HSD17B12: variants seen among roughly 807,000 people sequenced by gnomAD.
HSD17B12 encodes very-long-chain 3-oxoacyl-CoA reductase.
In HSD17B12, 32 loss-of-function variants were observed where a neutral mutation model predicts 39.3. The observed-to-expected ratio is 0.81, with a 90% CI of 0.61 to 1.09. The LOEUF (loss-of-function observed/expected upper bound fraction) is 1.09, where lower values mean the gene tolerates loss of function less well. HSD17B12 is among the 50% of genes least tolerant of loss of function. The probability of loss-of-function intolerance (pLI) is 0.00; values close to 1 mark genes in which losing one functional copy is unlikely to be tolerated. For synonymous variants in HSD17B12, 150 were observed against 146.7 expected (o/e 1.02, Z -0.16); for missense variants, 342 against 382.9 (o/e 0.89, Z 0.89).
the HSD17B12 span, chr11:43,570,169 A>C: frequency 6.6e-6 from 1 of 152,638 alleles, no homozygotes; most frequent in Non-Finnish European, 1.5e-5. Flanking sequence ...CAATGAAGGG[A>C]CCCAGGGTGT....
At chr11:43,664,003 C>G in the HSD17B12 span, among the ~76,000 whole-genome samples, 1 of 151,976 alleles carries the variant, frequency 6.6e-6, no homozygotes, top group African/African-American at 2.4e-5. Flanking sequence ...GCATGCGCCA[C>G]CATGCCTGGC....
At chr11:43,781,125 C>G (rs575797279) in intron 3 of HSD17B12, among the ~76,000 whole-genome samples, 1 of 152,122 alleles carries the variant, frequency 6.6e-6, no homozygotes, top group Non-Finnish European at 1.5e-5. Context: ...TCTTGGTGAC[C>G]TATAAAATTT....
intron 3 of HSD17B12, among the ~76,000 whole-genome samples, chr11:43,770,747 A>G (rs1340941356): frequency 6.6e-6 from 1 of 152,160 alleles, no homozygotes; most frequent in Non-Finnish European, 1.5e-5. Flanking sequence ...AAGAAAAAGA[A>G]AAACAAGTTT....
intron 1 of HSD17B12, among the ~76,000 whole-genome samples, chr11:43,731,359 T>A (rs1172321445): frequency 6.6e-6 from 1 of 152,208 alleles, no homozygotes; most frequent in African/African-American, 2.4e-5. Context: ...AGACCTTCCC[T>A]TATGTTTATC....
At chr11:43,763,131 T>G (rs1443199706) in intron 3 of HSD17B12, among the ~76,000 whole-genome samples, 1 of 152,166 alleles carries the variant, frequency 6.6e-6, no homozygotes, top group Non-Finnish European at 1.5e-5. Context: ...AAAGTATATC[T>G]TAACAATTTT....
At chr11:43,611,960 G>A in the HSD17B12 span, among the ~76,000 whole-genome samples, 1 of 152,164 alleles carries the variant, frequency 6.6e-6, no homozygotes, top group Admixed American at 6.5e-5. Context: ...TGGACTTATA[G>A]TAGGTTCTCA....
chr11:43,577,631 T>C, the HSD17B12 span, among the ~76,000 whole-genome samples: 1 of 152,118 alleles, frequency 6.6e-6, no homozygotes, highest in African/African-American at 2.4e-5. Flanking sequence ...CCCCGTATTC[T>C]GTAATTCCCG....
intron 4 of HSD17B12, 89 bp from the exon 5 acceptor site, chr11:43,815,348 T>C: frequency 3.6e-5 from 23 of 631,900 alleles, no homozygotes; most frequent in Non-Finnish European, 2.8e-6. Context: ...ATATATATCA[T>C]ATTAGTCTTG....
At chr11:43,740,148 A>G (rs1001017989) in intron 1 of HSD17B12, among the ~76,000 whole-genome samples, 1 of 152,166 alleles carries the variant, frequency 6.6e-6, no homozygotes, top group African/African-American at 2.4e-5. Context: ...AGGGAAATGT[A>G]ACTTCTTGGC....
At chr11:43,575,171 G>A in the HSD17B12 span, among the ~76,000 whole-genome samples, 1 of 152,224 alleles carries the variant, frequency 6.6e-6, no homozygotes. This position sits in a 1 kb window ranked among gnomAD's most constrained non-coding sequence, Gnocchi z 4.1. Context: ...TGCTCTGGGA[G>A]TCTGTCCGTC....
the HSD17B12 span, among the ~76,000 whole-genome samples, chr11:43,592,872 C>G: frequency 4.6e-5 from 7 of 151,980 alleles, no homozygotes; most frequent in African/African-American, 1.7e-4. Flanking sequence ...ATCTCACACA[C>G]TCTTAGAGGC....
At chr11:43,641,251 C>CA in the HSD17B12 span, among the ~76,000 whole-genome samples, 1 of 150,080 alleles carries the variant, frequency 6.7e-6, no homozygotes, top group Non-Finnish European at 1.5e-5. Context: ...AGATAGACCC[C>CA]TTTTTTTTTG....
intron 9 of HSD17B12, among the ~76,000 whole-genome samples, chr11:43,844,846 A>G (rs569767596): frequency 6.6e-6 from 1 of 152,358 alleles, no homozygotes; most frequent in South Asian, 2.1e-4. Context: ...TAGTGCAGAC[A>G]ATACTCTGAT....
At chr11:43,830,522 T>G (rs1951297845) in intron 6 of HSD17B12, 1 of 152,520 alleles carries the variant, frequency 6.6e-6, no homozygotes, top group Admixed American at 6.5e-5. Context: ...TTTGCCAACC[T>G]ACCACTTTAT....
the HSD17B12 span, among the ~76,000 whole-genome samples, chr11:43,646,527 C>A: frequency 6.6e-6 from 1 of 152,122 alleles, no homozygotes. Flanking sequence ...GCCACAGTGC[C>A]CATTTGCCTT....
the HSD17B12 span, among the ~76,000 whole-genome samples, chr11:43,583,495 T>G: frequency 6.6e-6 from 1 of 152,236 alleles, no homozygotes; most frequent in East Asian, 1.9e-4. Context: ...GGTCTCTCAT[T>G]CCGGGTGGGA....
At chr11:43,637,358 T>C in the HSD17B12 span, among the ~76,000 whole-genome samples, 1 of 151,496 alleles carries the variant, frequency 6.6e-6, no homozygotes, top group Non-Finnish European at 1.5e-5. Context: ...GTAGCTGGGA[T>C]TATAAGCATG....
intron 3 of HSD17B12, among the ~76,000 whole-genome samples, chr11:43,770,694 C>G (rs1363816367): frequency 1.3e-5 from 2 of 152,228 alleles, no homozygotes; most frequent in Admixed American, 1.3e-4. Flanking sequence ...ACTGTCTCGT[C>G]ACTGCGCTCC....
At chr11:43,817,806 T>C (rs896084868) in intron 6 of HSD17B12, among the ~76,000 whole-genome samples, 1 of 151,694 alleles carries the variant, frequency 6.6e-6, no homozygotes, top group Non-Finnish European at 1.5e-5. Context: ...TTTTGCTTAG[T>C]CTTTTTTTTT....
Sources: allele counts gnomAD v4.1 joint callset (sites outside exome capture counted in the v4.1 genomes callset), GRCh38; gene constraint gnomAD v4.1.1; non-coding constraint Gnocchi (gnomAD v3.1); transcripts MANE v1.5; gene names NCBI Gene and HGNC (gene_info 2026-07-23, HGNC 2026-07-21).